Variants in ABL1 observed in about 807,000 individuals in gnomAD.
The protein encoded by ABL1 is tyrosine-protein kinase ABL1.
Under a neutral mutation model 94.7 loss-of-function variants are expected in ABL1, and 11 were observed. The observed-to-expected ratio is 0.12, with a 90% CI of 0.07 to 0.19. The LOEUF (loss-of-function observed/expected upper bound fraction) is 0.19, where lower values mean the gene tolerates loss of function less well. Ranked by LOEUF, ABL1 falls within the 10% of genes least tolerant of loss-of-function variation. The pLI, the probability that ABL1 is intolerant of heterozygous loss-of-function variation, is 1.00. For missense variants in ABL1, 1,082 were observed against 1,489.4 expected (o/e 0.73, Z 4.50); for synonymous variants, 656 against 622.4 (o/e 1.05, Z -0.80).
At chr9:130,821,418 C>A (rs1830361827) in intron 1 of ABL1, among the ~76,000 whole-genome samples, 1 of 151,698 alleles carries the variant, frequency 6.6e-6, no homozygotes, top group African/African-American at 2.4e-5. Context: ...GTTTTTTTTC[C>A]CAGCATGTTT....
intron 1 of ABL1, among the ~76,000 whole-genome samples, chr9:130,753,346 T>G (rs1831992464): frequency 6.6e-6 from 1 of 152,148 alleles, no homozygotes; most frequent in Non-Finnish European, 1.5e-5. Context: ...TGCTGTGCTA[T>G]TGCTGTGCTG....
Position 130,882,542 on chromosome 9 carries a change from CCTT to C in ABL1, c.1679-1426_1679-1424del, listed in dbSNP as rs1050762168. 4.9e-4 allele frequency among the ~76,000 whole-genome samples: 74 copies of C among 152,154 alleles called. 1 individual carries two copies. Among genetic ancestry groups the C allele is most frequent in the African/African-American group, 1.3e-3 (54 of 41,536 alleles). ...GAGCTTGGCAACACCAAAAAGATTT[CCTT>C]TTTTTTTTGAGATGGAGTCTCACTC... On this transcript the variant is annotated intron_variant, in intron 10 of 10. Coordinates refer to ENST00000318560, the MANE Select transcript of ABL1 (RefSeq NM_005157.6).
In ABL1 at chr9:130,717,069, G is replaced by A. The variant is rs548865331; in HGVS notation, c.136+2614G>A. ...CTTTTTTGTTCGTTTTTGCGACAGA[G>A]TCTTGCTGTGTTGTCTAGGCTGGAG... On this transcript the variant is annotated intron_variant, in intron 1 of 10. Coordinates refer to the ABL1 transcript ENST00000372348. 4.6e-5 allele frequency among the ~76,000 whole-genome samples: 7 copies of A among 151,896 alleles called. No homozygotes were observed. The South Asian group carries it at 1.0e-3, about 22-fold the overall frequency.
intron 1 of ABL1, among the ~76,000 whole-genome samples, chr9:130,730,805 C>T (rs188125658): frequency 6.6e-6 from 1 of 151,924 alleles, no homozygotes; most frequent in Non-Finnish European, 1.5e-5. Flanking sequence ...CTCCTGAGGT[C>T]AAACCATCCA....
intron 1 of ABL1, among the ~76,000 whole-genome samples, chr9:130,760,081 A>G (rs1006906626): frequency 6.9e-6 from 1 of 145,504 alleles, no homozygotes; most frequent in African/African-American, 2.6e-5. Flanking sequence ...TGCTGGGATT[A>G]CAGGCATGAG....
At chr9:130,839,361 T>C (rs1025127902) in intron 1 of ABL1, among the ~76,000 whole-genome samples, 1 of 152,246 alleles carries the variant, frequency 6.6e-6, no homozygotes, top group African/African-American at 2.4e-5. Flanking sequence ...AAGCTTATGC[T>C]TGCTTTCTGC....
At chr9:130,719,492 C>T (rs1831488817) in intron 1 of ABL1, among the ~76,000 whole-genome samples, 1 of 152,140 alleles carries the variant, frequency 6.6e-6, no homozygotes, top group Admixed American at 6.5e-5. Flanking sequence ...TTGCACGCCA[C>T]TGCACTCCCA....
intron 1 of ABL1, among the ~76,000 whole-genome samples, chr9:130,752,712 A>T (rs1414496207): frequency 6.6e-6 from 1 of 152,158 alleles, no homozygotes; most frequent in Non-Finnish European, 1.5e-5. Context: ...TAATCCCAGC[A>T]CTTTGGGAGG....
intron 1 of ABL1, among the ~76,000 whole-genome samples, chr9:130,825,136 C>T (rs891037629): frequency 2.4e-4 from 37 of 152,304 alleles, no homozygotes; most frequent in African/African-American, 7.2e-4. Flanking sequence ...GATCTTCATA[C>T]TGGAGGAGAC....
At chr9:130,744,075 T>C (rs2132716479) in intron 1 of ABL1, among the ~76,000 whole-genome samples, 1 of 152,272 alleles carries the variant, frequency 6.6e-6, no homozygotes, top group South Asian at 2.1e-4. Context: ...ATTAACTTTT[T>C]TTTTTTTCCT....
In ABL1 at chr9:130,885,694, G is replaced by A. The variant is rs1398063386; in HGVS notation, c.*11G>A. 6.2e-7 allele frequency: 1 copy of A among 1,602,540 alleles called. No homozygotes were observed. The highest frequency in any genetic ancestry group is 8.5e-7 in the Non-Finnish European group (1 of 1,173,468). ...ATAGTGCAGAGGTAGCAGCAGTCAGGGGTCAGGTGTCAGGCCCGTCGGAGC... is the reference window on the plus strand; with the variant it reads ...ATAGTGCAGAGGTAGCAGCAGTCAGAGGTCAGGTGTCAGGCCCGTCGGAGC... On this transcript the variant is annotated 3_prime_UTR_variant, in exon 11 of 11. Coordinates refer to ENST00000318560, the MANE Select transcript of ABL1 (RefSeq NM_005157.6).
chr9:130,847,369 G>A (rs1414946607), intron 1 of ABL1, among the ~76,000 whole-genome samples: 1 of 152,030 alleles, frequency 6.6e-6, no homozygotes, highest in African/African-American at 2.4e-5. Context: ...ACTAGTTGGG[G>A]CATCTTTTTT....
chr9:130,770,128 T>C (rs1289998470), intron 1 of ABL1, among the ~76,000 whole-genome samples: 4 of 152,130 alleles, frequency 2.6e-5, no homozygotes, highest in Non-Finnish European at 4.4e-5. Context: ...AGCACAGAAC[T>C]CTGGCTTTGT....
At chr9:130,879,152 C>T (rs1209834343) in intron 8 of ABL1, among the ~76,000 whole-genome samples, 2 of 152,230 alleles carry the variant, frequency 1.3e-5, no homozygotes, top group African/African-American at 2.4e-5. Context: ...GCTGCGATTA[C>T]AGGCGTGAGC....
chr9:130,745,625 C>G (rs35076664), intron 1 of ABL1, among the ~76,000 whole-genome samples: 319 of 152,036 alleles, frequency 2.1e-3, no homozygotes, highest in Admixed American at 3.9e-3. Context: ...GTTTCTCACT[C>G]TAAAGTTATT....
intron 1 of ABL1, among the ~76,000 whole-genome samples, chr9:130,723,798 T>C (rs1256503555): frequency 6.6e-6 from 1 of 152,154 alleles, no homozygotes; most frequent in African/African-American, 2.4e-5. Flanking sequence ...GTTTGTTTTT[T>C]ATTTTTTAAC....
chr9:130,750,179 G>GA (rs528529849), intron 1 of ABL1, among the ~76,000 whole-genome samples: 1 of 70,882 alleles, frequency 1.4e-5, no homozygotes, highest in Non-Finnish European at 3.3e-5. Context: ...CCTGACTCAA[G>GA]AAAAAAAAAA....
At chr9:130,716,195 A>T (rs2132665047) in intron 1 of ABL1, among the ~76,000 whole-genome samples, 1 of 148,372 alleles carries the variant, frequency 6.7e-6, no homozygotes, top group South Asian at 2.1e-4. Context: ...CCTGGGTTCA[A>T]GCGATTCTCC....
At chr9:130,771,580 G>A (rs1832251304) in intron 1 of ABL1, among the ~76,000 whole-genome samples, 1 of 151,964 alleles carries the variant, frequency 6.6e-6, no homozygotes, top group Non-Finnish European at 1.5e-5. Flanking sequence ...AAATACATCT[G>A]TAAGGAAAGT....
Sources: allele counts gnomAD v4.1 joint callset (sites outside exome capture counted in the v4.1 genomes callset), GRCh38; gene constraint gnomAD v4.1.1; transcripts MANE v1.5; gene names NCBI Gene and HGNC (gene_info 2026-07-23, HGNC 2026-07-21).